Variants in CLEC16A observed in about 807,000 individuals in gnomAD.
The protein encoded by CLEC16A is protein CLEC16A.
Under a neutral mutation model 109.5 loss-of-function variants are expected in CLEC16A, and 51 were observed. That is an observed-to-expected ratio of 0.47 (90% CI 0.37 to 0.59). The LOEUF is 0.59. Among genes scored for constraint, CLEC16A ranks in the 20% least tolerant of loss-of-function variants. The pLI is 0.00. For synonymous variants in CLEC16A, 673 were observed against 564.2 expected (o/e 1.19, Z -2.73); for missense variants, 1,339 against 1,394.0 (o/e 0.96, Z 0.63).
At chr16:11,092,929 C>A (rs1163376191) in intron 19 of CLEC16A, among the ~76,000 whole-genome samples, 1 of 152,202 alleles carries the variant, frequency 6.6e-6, no homozygotes, top group Non-Finnish European at 1.5e-5. Context: ...CATGACTGTC[C>A]CCAGTCTAGT....
At chr16:11,100,898 G>T (rs1207884870) in intron 19 of CLEC16A, among the ~76,000 whole-genome samples, 1 of 152,118 alleles carries the variant, frequency 6.6e-6, no homozygotes, top group Non-Finnish European at 1.5e-5. Context: ...CATTGTGCTG[G>T]TACAGTTTAT....
intron 11 of CLEC16A, among the ~76,000 whole-genome samples, chr16:11,007,025 T>C (rs529936501): frequency 6.6e-5 from 10 of 152,214 alleles, no homozygotes; most frequent in Non-Finnish European, 1.2e-4. Flanking sequence ...GCTTGTTTTT[T>C]AGCTTGCCCT....
At chr16:11,061,072 TG>T in intron 19 of CLEC16A, 50 bp downstream of exon 19, 1 of 1,545,314 alleles carries the variant, frequency 6.5e-7, no homozygotes, top group Non-Finnish European at 8.7e-7. Context: ...ACATGGGACA[TG>T]GGACACCACT....
At chr16:11,090,959 G>T (rs890793758) in intron 19 of CLEC16A, among the ~76,000 whole-genome samples, 4 of 151,634 alleles carry the variant, frequency 2.6e-5, no homozygotes, top group African/African-American at 9.7e-5. Context: ...CATGAGCCAC[G>T]GTGCCCAGCC....
At chr16:11,170,105 T>C (rs1190425503) in intron 23 of CLEC16A, among the ~76,000 whole-genome samples, 1 of 152,200 alleles carries the variant, frequency 6.6e-6, no homozygotes, top group Non-Finnish European at 1.5e-5. Context: ...TTTCCAAGAC[T>C]GTCTCAGGCA....
intron 19 of CLEC16A, among the ~76,000 whole-genome samples, chr16:11,104,094 C>T (rs964449191): frequency 1.5e-4 from 23 of 152,158 alleles, no homozygotes; most frequent in Non-Finnish European, 2.5e-4. Flanking sequence ...AATATAGATC[C>T]CAGAGGTGAG....
At chr16:11,130,608 A>G (rs1298060218) in intron 22 of CLEC16A, among the ~76,000 whole-genome samples, 1 of 152,208 alleles carries the variant, frequency 6.6e-6, no homozygotes, top group Non-Finnish European at 1.5e-5. Context: ...CGGTCATCAG[A>G]AACCTGGCCC....
rs994450066 is a variant in CLEC16A, at chr16:11,180,189, C to T, written c.*1499C>T. 2.6e-5 allele frequency: 4 copies of T among 152,346 alleles called. No homozygotes were observed. Among genetic ancestry groups the T allele is most frequent in the African/African-American group, 7.2e-5 (3 of 41,462 alleles). The allele number at this position is 152,346 out of a possible 1,614,324, so 9.4% of individuals were successfully genotyped here. A position where few individuals can be genotyped will look rare whatever the true frequency, so the allele number is the denominator to read the frequency against. On this transcript the variant is annotated 3_prime_UTR_variant, in exon 24 of 24. Transcript: ENST00000409790. ...TTTAGAAGAACATGGTCTCTGTCTC[C>T]TCGGCCCAGCCAGCTGTCCCGGCAA... is the stretch of plus-strand genomic sequence containing the variant.
intron 13 of CLEC16A, among the ~76,000 whole-genome samples, chr16:11,032,101 G>A (rs938238653): frequency 4.6e-5 from 7 of 152,212 alleles, no homozygotes; most frequent in African/African-American, 1.7e-4. Flanking sequence ...CATGGACTCT[G>A]CCCGCAGGAG....
intron 10 of CLEC16A, among the ~76,000 whole-genome samples, chr16:10,994,059 T>C (rs1299457847): frequency 6.6e-6 from 1 of 152,232 alleles, no homozygotes; most frequent in African/African-American, 2.4e-5. Flanking sequence ...GCAAGAGGCC[T>C]GTGAGTGCTG....
intron 13 of CLEC16A, among the ~76,000 whole-genome samples, chr16:11,034,723 C>G (rs530175330): frequency 6.6e-6 from 1 of 152,304 alleles, no homozygotes; most frequent in Admixed American, 6.5e-5. Flanking sequence ...CCGTGAAGTG[C>G]AGCAGGGTTT....
At chr16:11,114,128 C>T (rs1410683327) in intron 19 of CLEC16A, among the ~76,000 whole-genome samples, 2 of 127,326 alleles carry the variant, frequency 1.6e-5, no homozygotes, top group Non-Finnish European at 3.3e-5. Context: ...TGAGGATGGC[C>T]GTGTGTGTGT....
At chr16:10,993,547 CTG>C (rs1356491558) in intron 10 of CLEC16A, among the ~76,000 whole-genome samples, 1 of 152,234 alleles carries the variant, frequency 6.6e-6, no homozygotes, top group Admixed American at 6.5e-5. Context: ...AAATCTCACA[CTG>C]TTTCTATTCC....
chr16:11,122,875 A>G (rs1202692109), intron 20 of CLEC16A, among the ~76,000 whole-genome samples: 2 of 149,258 alleles, frequency 1.3e-5, no homozygotes, highest in Non-Finnish European at 1.5e-5. Context: ...ATCTCTGCTC[A>G]ATGACCTTCC....
At chr16:11,164,292 C>T (rs1004591309) in intron 22 of CLEC16A, among the ~76,000 whole-genome samples, 6 of 152,174 alleles carry the variant, frequency 3.9e-5, no homozygotes, top group African/African-American at 9.7e-5. Context: ...TTATAGTCAG[C>T]GCTTGTTAAG....
chr16:11,107,658 C>T (rs2051304962), intron 19 of CLEC16A, among the ~76,000 whole-genome samples: 1 of 152,206 alleles, frequency 6.6e-6, no homozygotes, highest in Non-Finnish European at 1.5e-5. Context: ...TGCTGTTCTG[C>T]CTCTTTCAGG....
chr16:11,153,559 A>G (rs1276572287), intron 22 of CLEC16A, among the ~76,000 whole-genome samples: 2 of 150,932 alleles, frequency 1.3e-5, no homozygotes, highest in Admixed American at 1.3e-4. Flanking sequence ...ACGTCACTCT[A>G]AGTATACATA....
chr16:11,140,259 C>T (rs2053761149), intron 22 of CLEC16A, among the ~76,000 whole-genome samples: 1 of 152,200 alleles, frequency 6.6e-6, no homozygotes, highest in Admixed American at 6.5e-5. Context: ...ACTCCAGCCT[C>T]CTGGCTCACG....
intron 11 of CLEC16A, among the ~76,000 whole-genome samples, chr16:11,008,216 C>G (rs1322324073): frequency 6.6e-6 from 1 of 152,166 alleles, no homozygotes; most frequent in Non-Finnish European, 1.5e-5. Context: ...TCTTATTCCC[C>G]TCTTGCCATC....
Sources: allele counts gnomAD v4.1 joint callset (sites outside exome capture counted in the v4.1 genomes callset), GRCh38; gene constraint gnomAD v4.1.1; transcripts MANE v1.5; gene names NCBI Gene and HGNC (gene_info 2026-07-23, HGNC 2026-07-21).